Variants in GTF2I observed in about 807,000 individuals in gnomAD.
The protein encoded by GTF2I is general transcription factor IIi.
In GTF2I, 12 loss-of-function variants were observed where a neutral mutation model predicts 67.6. The ratio of observed to expected loss-of-function variants is 0.18; its 90% CI spans 0.11 to 0.29. GTF2I has a LOEUF of 0.29. Among genes scored for constraint, GTF2I ranks in the 10% least tolerant of loss-of-function variants. The pLI is 1.00. For missense variants in GTF2I, 271 were observed against 580.1 expected, an observed-to-expected ratio of 0.47 and a Z score of 5.47; for synonymous variants, 149 against 197.0, an observed-to-expected ratio of 0.76 and a Z score of 2.04.
At position 74,664,276 on chromosome 7, in the gene GTF2I, T is replaced by A. The variant is rs190769979; in HGVS notation, c.-6+6208T>A. Among the ~76,000 whole-genome samples, 21 of 152,296 alleles carry A rather than the reference T, an allele frequency of 1.4e-4. No homozygotes were observed. The East Asian group carries it at 3.5e-3, about 25-fold the overall frequency. ...CTGTCTTCCTGTTTGTTTTCTCCTCTGTAAAATTCTTGTTTTGGTATTCCA... is the reference window on the plus strand; with the variant it reads ...CTGTCTTCCTGTTTGTTTTCTCCTCAGTAAAATTCTTGTTTTGGTATTCCA... On this transcript the variant is annotated intron_variant, in intron 1 of 34. Transcript: ENST00000573035.
chr7:74,716,178 A>G (rs1318470929), intron 10 of GTF2I, among the ~76,000 whole-genome samples: 1 of 152,048 alleles, frequency 6.6e-6, no homozygotes, highest in African/African-American at 2.4e-5. Flanking sequence ...CTTAATCCTA[A>G]GTGGCTCTCT....
chr7:74,664,029 G>A (rs781840985), intron 1 of GTF2I, among the ~76,000 whole-genome samples: 2 of 151,726 alleles, frequency 1.3e-5, no homozygotes, highest in Non-Finnish European at 2.9e-5. Flanking sequence ...GGGTTTCACC[G>A]TGTTGGCCAG....
At chr7:74,735,751 C>T (rs1183917714) in intron 17 of GTF2I, among the ~76,000 whole-genome samples, 2 of 81,596 alleles carry the variant, frequency 2.5e-5, no homozygotes, top group Non-Finnish European at 5.2e-5. Flanking sequence ...TCACTGCAAC[C>T]TCCTCCTCCC....
intron 15 of GTF2I, among the ~76,000 whole-genome samples, chr7:74,732,942 C>T (rs1259802317): frequency 4.6e-5 from 7 of 151,362 alleles, no homozygotes; most frequent in Non-Finnish European, 8.8e-5. Context: ...ATAGAATCCA[C>T]GCCTTGTTTT....
chr7:74,700,530 G>A (rs1160230690), intron 5 of GTF2I, 76 bp from the exon 6 acceptor site: 7 of 1,592,440 alleles, frequency 4.4e-6, no homozygotes, highest in Non-Finnish European at 6.0e-6. Context: ...ATTTAACACA[G>A]AAGTCATTTA....
intron 1 of GTF2I, among the ~76,000 whole-genome samples, chr7:74,661,498 G>A (rs1410298817): frequency 1.3e-5 from 2 of 152,024 alleles, no homozygotes; most frequent in Non-Finnish European, 2.9e-5. Flanking sequence ...TGCCGACATG[G>A]CGAAACCCCG....
At position 74,684,219 on chromosome 7, in the gene GTF2I, T is replaced by C. The variant is rs1422191379; in HGVS notation, c.-5-4905T>C. On this transcript the variant is annotated intron_variant, in intron 1 of 34. Coordinates refer to ENST00000573035, the MANE Select transcript of GTF2I (RefSeq NM_032999.4). The stretch of plus-strand genomic sequence containing the variant: ...ATTATACAAGATGGCCAATAAAGCA[T>C]GACATATATTCAATAAATGTTCATT... Among the ~76,000 whole-genome samples the C allele has an allele frequency of 3.3e-5, 5 of 152,328 alleles. No individual in the cohort carries two copies. The East Asian group carries it at 9.6e-4, about 29-fold the overall frequency.
At chr7:74,664,817 G>T (rs1554387927) in intron 1 of GTF2I, among the ~76,000 whole-genome samples, 3 of 152,164 alleles carry the variant, frequency 2.0e-5, no homozygotes, top group Admixed American at 6.6e-5. Flanking sequence ...TTGAGAGAGG[G>T]TTTATAGCTT....
intron 1 of GTF2I, among the ~76,000 whole-genome samples, chr7:74,686,999 C>T (rs943045562): frequency 1.3e-5 from 2 of 151,424 alleles, no homozygotes; most frequent in Non-Finnish European, 2.9e-5. Flanking sequence ...AATTGATTCT[C>T]GTGCCTCAGC....
At chr7:74,660,414 A>C (rs1584048100) in intron 1 of GTF2I, among the ~76,000 whole-genome samples, 1 of 147,916 alleles carries the variant, frequency 6.8e-6, no homozygotes, top group African/African-American at 2.5e-5. Context: ...CTGGTCTTGA[A>C]CTCCTGACTT....
At chr7:74,706,028 C>G (rs1183111410) in intron 7 of GTF2I, among the ~76,000 whole-genome samples, 1 of 152,058 alleles carries the variant, frequency 6.6e-6, no homozygotes, top group Non-Finnish European at 1.5e-5. Context: ...TCTCAGCTCA[C>G]TGCAACCTCC....
Position 74,678,514 on chromosome 7 carries a change from T to C in GTF2I, c.-5-10610T>C, listed in dbSNP as rs1356507523. On this transcript the variant is annotated intron_variant, in intron 1 of 34. Transcript: ENST00000573035. ...CATTGCTTATTACAAGTAAAAATAG[T>C]AGCCTGTAGAAATTTGTGCAGAAGA... Among the ~76,000 whole-genome samples, 12 of 151,570 alleles carry C rather than the reference T, an allele frequency of 7.9e-5. No homozygotes were observed. In the East Asian group the frequency reaches 1.7e-3, roughly 22 times the overall value.
At chr7:74,673,154 C>T (rs587760373) in intron 1 of GTF2I, among the ~76,000 whole-genome samples, 30 of 152,144 alleles carry the variant, frequency 2.0e-4, no homozygotes, top group Non-Finnish European at 4.0e-4. Context: ...GCCACTGCCC[C>T]GAGCTGAGTT....
At chr7:74,716,074 T>G (rs1028534003) in intron 10 of GTF2I, among the ~76,000 whole-genome samples, 2 of 152,124 alleles carry the variant, frequency 1.3e-5, no homozygotes, top group African/African-American at 4.8e-5. Flanking sequence ...TATGTTTTTT[T>G]TTGGTACTTA....
intron 3 of GTF2I, among the ~76,000 whole-genome samples, chr7:74,694,221 A>C (rs1554397827): frequency 6.6e-6 from 1 of 152,204 alleles, no homozygotes; most frequent in Non-Finnish European, 1.5e-5. Flanking sequence ...AATTCTGTGA[A>C]GGCTGAGATG....
rs587631150 is a variant in GTF2I, at chr7:74,731,317, A to G, written c.1120+1023A>G. ...TGCTATAAGTGAAAATTTAAATGCAATAAACCATATTGATGGTATTTGTGT... is the reference window on the plus strand; with the variant it reads ...TGCTATAAGTGAAAATTTAAATGCAGTAAACCATATTGATGGTATTTGTGT... On this transcript the variant is annotated intron_variant, in intron 14 of 34. Coordinates refer to ENST00000573035, the MANE Select transcript of GTF2I (RefSeq NM_032999.4). Among the ~76,000 whole-genome samples the G allele has an allele frequency of 5.8e-4, 83 of 142,922 alleles. 3 individuals are homozygous for G. The South Asian group carries it at 0.018, about 31-fold the overall frequency. 93.8% of individuals were successfully genotyped at this position (142,922 alleles called of 152,430 possible).
intron 14 of GTF2I, among the ~76,000 whole-genome samples, chr7:74,731,977 C>G (rs587659618): frequency 1.2e-4 from 18 of 150,686 alleles, no homozygotes; most frequent in Admixed American, 1.2e-3. Flanking sequence ...CTGTCTGAGT[C>G]TTAGTATCCT....
At chr7:74,686,111 A>G (rs1229619965) in intron 1 of GTF2I, among the ~76,000 whole-genome samples, 6 of 152,186 alleles carry the variant, frequency 3.9e-5, no homozygotes, top group Admixed American at 2.6e-4. Flanking sequence ...TGAAGTTACA[A>G]TGTTACACTC....
chr7:74,696,323 C>G (rs1055779432), intron 3 of GTF2I, among the ~76,000 whole-genome samples: 3 of 151,280 alleles, frequency 2.0e-5, no homozygotes, highest in Non-Finnish European at 2.9e-5. Context: ...GTTTCTGTAT[C>G]TAATTCTCCT....
Sources: gnomAD v4.1 joint callset for allele counts (sites outside exome capture counted in the v4.1 genomes callset) on GRCh38, gnomAD v4.1.1 for gene constraint, MANE v1.5 for transcripts, NCBI Gene and HGNC (gene_info 2026-07-23, HGNC 2026-07-21) for gene names.